FTCDNL1: variants seen among roughly 807,000 people sequenced by gnomAD.
FTCDNL1 encodes formiminotransferase cyclodeaminase N-terminal like.
A neutral mutation model predicts 5.9 loss-of-function variants in FTCDNL1; 11 were observed. The observed-to-expected ratio is 1.87, with a 90% CI of 1.18 to 3.10. The LOEUF (loss-of-function observed/expected upper bound fraction) is 3.10. FTCDNL1 is among the 30% of genes most tolerant of loss of function. FTCDNL1 has a pLI of 0.00. For synonymous variants in FTCDNL1, 58 were observed against 24.8 expected, an observed-to-expected ratio of 2.34 and a Z score of -3.99; for missense variants, 115 against 65.5, an observed-to-expected ratio of 1.76 and a Z score of -2.61.
the FTCDNL1 span, among the ~76,000 whole-genome samples, chr2:199,717,131 G>A: frequency 1.3e-5 from 2 of 152,156 alleles, no homozygotes; most frequent in African/African-American, 4.8e-5. Flanking sequence ...ATATGAACAT[G>A]GCTTGTGTCC....
intron 3 of FTCDNL1, among the ~76,000 whole-genome samples, chr2:199,785,221 G>A (rs1699573267): frequency 7.9e-6 from 1 of 126,492 alleles, no homozygotes; most frequent in South Asian, 2.6e-4. Context: ...CTTTCTTTCT[G>A]TCAGGGTCTC....
chr2:199,715,299 CA>C, the FTCDNL1 span, among the ~76,000 whole-genome samples: 1 of 152,118 alleles, frequency 6.6e-6, no homozygotes, highest in Admixed American at 6.5e-5. Context: ...ACCCAAATCT[CA>C]TCTTGAACTG....
intron 1 of FTCDNL1, 72 bp from the exon 2 acceptor site, chr2:199,849,041 T>A: frequency 3.0e-6 from 2 of 655,742 alleles, no homozygotes; most frequent in Non-Finnish European, 5.5e-6. Context: ...TATAAAAAAA[T>A]CATAACTTTT....
the FTCDNL1 span, among the ~76,000 whole-genome samples, chr2:199,722,444 C>T: frequency 5.9e-5 from 9 of 152,132 alleles, no homozygotes; most frequent in East Asian, 5.8e-4. Flanking sequence ...TGTAGATGTG[C>T]GGTCTAATCT....
chr2:199,773,901 T>C (rs1380463988), intron 3 of FTCDNL1, among the ~76,000 whole-genome samples: 1 of 152,198 alleles, frequency 6.6e-6, no homozygotes, highest in Non-Finnish European at 1.5e-5. Flanking sequence ...CCCAGTTCTC[T>C]AGCAGCAGGT....
the FTCDNL1 span, among the ~76,000 whole-genome samples, chr2:199,664,188 A>G: frequency 6.6e-6 from 1 of 152,200 alleles, no homozygotes; most frequent in Non-Finnish European, 1.5e-5. Context: ...AGATAAAACT[A>G]CATCTTCAAC....
chr2:199,751,048 G>A, the FTCDNL1 span, among the ~76,000 whole-genome samples: 1 of 152,156 alleles, frequency 6.6e-6, no homozygotes, highest in Non-Finnish European at 1.5e-5. Flanking sequence ...TCTATCGAGA[G>A]ACCCTATAAC....
chr2:199,736,280 A>T, the FTCDNL1 span, among the ~76,000 whole-genome samples: 2 of 152,206 alleles, frequency 1.3e-5, 1 homozygote, highest in Admixed American at 1.3e-4. Flanking sequence ...ACTCTTAAAA[A>T]CATGCCTCAG....
At chr2:199,733,804 C>T in the FTCDNL1 span, among the ~76,000 whole-genome samples, 26 of 152,082 alleles carry the variant, frequency 1.7e-4, no homozygotes, top group African/African-American at 5.8e-4. Flanking sequence ...CATTTAGAAA[C>T]CTTTATATAA....
chr2:199,754,891 T>A, the FTCDNL1 span, among the ~76,000 whole-genome samples: 1 of 152,234 alleles, frequency 6.6e-6, no homozygotes, highest in African/African-American at 2.4e-5. Flanking sequence ...ACATTTCTTT[T>A]GAATAACAGT....
the FTCDNL1 span, among the ~76,000 whole-genome samples, chr2:199,688,453 T>A: frequency 6.6e-6 from 1 of 152,024 alleles, no homozygotes; most frequent in East Asian, 1.9e-4. Context: ...CCCTTTTTTG[T>A]TGTTTTTAAA....
downstream of FTCDNL1, among the ~76,000 whole-genome samples, chr2:199,758,808 CA>C (rs1480062495): frequency 6.6e-6 from 1 of 152,160 alleles, no homozygotes; most frequent in Non-Finnish European, 1.5e-5. Context: ...TCTATTTTAA[CA>C]AGCCCCTCAG....
At chr2:199,795,803 G>A (rs963274501) in intron 3 of FTCDNL1, among the ~76,000 whole-genome samples, 28 of 152,084 alleles carry the variant, frequency 1.8e-4, no homozygotes, top group African/African-American at 6.8e-4. Flanking sequence ...TTTGAGAAAT[G>A]TTTGTCTTTC....
At chr2:199,691,652 T>C in the FTCDNL1 span, among the ~76,000 whole-genome samples, 1 of 152,238 alleles carries the variant, frequency 6.6e-6, no homozygotes, top group East Asian at 1.9e-4. Flanking sequence ...AATTGAAATA[T>C]CATAAGCACT....
chr2:199,743,866 T>C, the FTCDNL1 span, among the ~76,000 whole-genome samples: 3 of 152,190 alleles, frequency 2.0e-5, no homozygotes, highest in African/African-American at 7.2e-5. Flanking sequence ...GTGGTTTGCA[T>C]AAGAATCTGA....
rs966069544 is a variant in FTCDNL1 at position 199,819,758 on chromosome 2, C to T, written c.212-1G>A. On this transcript the variant is annotated splice_acceptor_variant, in intron 3 of 4. Transcript: ENST00000420128. LOFTEE classifies it high-confidence loss of function. ...TGCAGCACCAGATCCTCAGCAAGGC[C>T]TGTGGCAGAGGGAATTTTAACCAAA... 4.3e-6 allele frequency: 3 copies of T among 691,548 alleles called. No individual in the cohort carries two copies. The highest frequency in any genetic ancestry group is 7.9e-6 in the Non-Finnish European group (3 of 378,520). 42.8% of individuals were successfully genotyped at this position (691,548 alleles called of 1,614,324 possible).
chr2:199,830,580 T>G (rs1440693306), intron 3 of FTCDNL1, among the ~76,000 whole-genome samples: 1 of 152,182 alleles, frequency 6.6e-6, no homozygotes, highest in Non-Finnish European at 1.5e-5. Context: ...TGCTTTGAAG[T>G]GTGAAGCTGT....
chr2:199,847,468 T>A (rs1209600816), intron 2 of FTCDNL1, among the ~76,000 whole-genome samples: 1 of 152,230 alleles, frequency 6.6e-6, no homozygotes, highest in Non-Finnish European at 1.5e-5. Context: ...GAAAAGCTTT[T>A]ATTCTCAGTT....
At chr2:199,846,237 C>T (rs548376731) in intron 2 of FTCDNL1, 67 bp from the exon 3 acceptor site, 1 of 619,620 alleles carries the variant, frequency 1.6e-6, no homozygotes, top group Non-Finnish European at 2.9e-6. Context: ...TAGTTAATTT[C>T]TTCTGGTATA....
Sources: gnomAD v4.1 joint callset for allele counts (sites outside exome capture counted in the v4.1 genomes callset) on GRCh38, gnomAD v4.1.1 for gene constraint, MANE v1.5 for transcripts, NCBI Gene and HGNC (gene_info 2026-07-23, HGNC 2026-07-21) for gene names.